Variants in CLASP1 observed in about 807,000 individuals in gnomAD.
CLASP1 encodes cytoplasmic linker associated protein 1.
A neutral mutation model predicts 192.3 loss-of-function variants in CLASP1; 38 were observed. The ratio of observed to expected loss-of-function variants is 0.20; its 90% confidence interval spans 0.15 to 0.26. CLASP1 has a LOEUF of 0.26. Among genes scored for constraint, CLASP1 ranks in the 10% least tolerant of loss-of-function variants. The pLI, the probability that CLASP1 is intolerant of heterozygous loss-of-function variation, is 1.00. For missense variants in CLASP1, 1,433 were observed against 1,932.5 expected (o/e 0.74, Z 4.85); for synonymous variants, 691 against 712.8 (o/e 0.97, Z 0.49).
rs192699682 is a variant in CLASP1 at position 121,460,478 on chromosome 2, G to A, written c.1033-353C>T. Among the ~76,000 whole-genome samples the A allele has an allele frequency of 1.1e-4, 16 of 152,014 alleles. 1 individual carries two copies. Among genetic ancestry groups the A allele is most frequent in the Admixed American group, 3.9e-4 (6 of 15,254 alleles). ...AATCCCCTCCTAAGCTTACCTCCCC[G>A]CGACACCCCACTTCAACTGCCATTT... On this transcript the variant is annotated intron_variant, in intron 11 of 39. Transcript: ENST00000263710.
At chr2:121,465,821 A>G (rs1366855024) in intron 9 of CLASP1, among the ~76,000 whole-genome samples, 1 of 152,222 alleles carries the variant, frequency 6.6e-6, no homozygotes, top group African/African-American at 2.4e-5. Flanking sequence ...ATCAAAACAG[A>G]GATATAGATC....
chr2:121,345,700 G>A (rs766885832), intron 39 of CLASP1, among the ~76,000 whole-genome samples: 1 of 152,128 alleles, frequency 6.6e-6, no homozygotes, highest in Non-Finnish European at 1.5e-5. Context: ...CCCAAACCAT[G>A]CACTGCACAC....
chr2:121,490,307 T>C, intron 8 of CLASP1: 1 of 454,788 alleles, frequency 2.2e-6, no homozygotes, highest in Non-Finnish European at 4.4e-6. Flanking sequence ...GTAATCCTGG[T>C]ACCAAATAAA....
chr2:121,441,245 G>C (rs186494767), intron 19 of CLASP1, among the ~76,000 whole-genome samples: 6 of 152,254 alleles, frequency 3.9e-5, no homozygotes, highest in Middle Eastern at 3.4e-3. Flanking sequence ...AAAATTAAAA[G>C]GTCTTCAAAG....
rs1474418723 is a variant in CLASP1 at position 121,637,143 on chromosome 2, C to G, written c.-286+12229G>C. On this transcript the variant is annotated intron_variant, in intron 1 of 39. Coordinates refer to ENST00000263710, the Ensembl canonical transcript of CLASP1. ...CACAAACTATTTAAAAGTTAAATAA[C>G]AACACAAAGTTAAAAGAAAGGAGGG... Among the ~76,000 whole-genome samples the G allele has an allele frequency of 2.0e-5, 3 of 152,048 alleles. No individual in the cohort carries two copies. The East Asian group carries it at 5.8e-4, about 29-fold the overall frequency.
intron 7 of CLASP1, chr2:121,504,887 A>G (rs996779942): frequency 6.6e-6 from 1 of 152,228 alleles, no homozygotes; most frequent in Non-Finnish European, 1.5e-5. Flanking sequence ...ATAAAACTCC[A>G]ATTGCCACCT....
At chr2:121,587,648 T>C (rs977997182) in intron 2 of CLASP1, among the ~76,000 whole-genome samples, 1 of 151,296 alleles carries the variant, frequency 6.6e-6, no homozygotes, top group Non-Finnish European at 1.5e-5. Context: ...CTGGCCAACA[T>C]AGTGAAACCC....
intron 23 of CLASP1, among the ~76,000 whole-genome samples, chr2:121,412,446 T>C (rs72967363): frequency 0.04 from 6,039 of 152,126 alleles, 163 homozygotes; most frequent in East Asian, 0.14. Context: ...TATGCACACA[T>C]AGTTTTACAG....
At chr2:121,464,006 C>T (rs1007406226) in intron 9 of CLASP1, among the ~76,000 whole-genome samples, 2 of 118,766 alleles carry the variant, frequency 1.7e-5, no homozygotes, top group African/African-American at 6.5e-5. Context: ...TCCCCCCACC[C>T]CACAACAGTC....
chr2:121,378,134 T>C (rs1457035055), intron 33 of CLASP1, among the ~76,000 whole-genome samples: 1 of 152,066 alleles, frequency 6.6e-6, no homozygotes, highest in Admixed American at 6.6e-5. Flanking sequence ...AGGTATCCAA[T>C]CCAGAAAACA....
At chr2:121,442,023 T>A (rs1225035065) in intron 19 of CLASP1, among the ~76,000 whole-genome samples, 3 of 152,194 alleles carry the variant, frequency 2.0e-5, no homozygotes, top group African/African-American at 7.2e-5. Context: ...TGACTACATC[T>A]TAATAAACAT....
At chr2:121,408,626 TC>T (rs939414846) in intron 24 of CLASP1, among the ~76,000 whole-genome samples, 160 of 152,256 alleles carry the variant, frequency 1.1e-3, no homozygotes, top group Non-Finnish European at 1.9e-3. Context: ...ATTGATAGCA[TC>T]CCCCTTTTAA....
intron 37 of CLASP1, among the ~76,000 whole-genome samples, chr2:121,361,045 A>G (rs1001710684): frequency 5.9e-5 from 9 of 152,248 alleles, no homozygotes; most frequent in Admixed American, 1.3e-4. Flanking sequence ...TTAGGACTCA[A>G]CTTTAGACAG....
chr2:121,505,434 A>G (rs543046998), intron 7 of CLASP1: 1 of 152,344 alleles, frequency 6.6e-6, no homozygotes, highest in South Asian at 2.1e-4. Flanking sequence ...CTGCCTCACT[A>G]GCTCCCTCAT....
intron 8 of CLASP1, among the ~76,000 whole-genome samples, chr2:121,489,056 C>A (rs2093153389): frequency 6.6e-6 from 1 of 152,156 alleles, no homozygotes; most frequent in Non-Finnish European, 1.5e-5. Flanking sequence ...AATATCACAA[C>A]TTAAGTCAAA....
intron 8 of CLASP1, among the ~76,000 whole-genome samples, chr2:121,478,453 G>A (rs779799759): frequency 4.4e-4 from 67 of 151,920 alleles, no homozygotes; most frequent in Admixed American, 7.9e-4. Flanking sequence ...ATACAAAAAT[G>A]AGCCCAGCGT....
chr2:121,588,919 C>G (rs1043830975), intron 2 of CLASP1, among the ~76,000 whole-genome samples: 1 of 152,172 alleles, frequency 6.6e-6, no homozygotes, highest in Non-Finnish European at 1.5e-5. Flanking sequence ...GTCTCCCCGG[C>G]TACAATGCAT....
In CLASP1 at chr2:121,381,305, T is replaced by C. The variant is rs190720381; in HGVS notation, c.3491+903A>G. 2.0e-3 allele frequency among the ~76,000 whole-genome samples: 267 copies of C among 132,136 alleles called. 1 individual carries two copies. In the South Asian group the frequency reaches 0.022, roughly 11 times the overall value. The allele number at this position is 132,136 out of a possible 152,430, so 86.7% of individuals were successfully genotyped here. A position where few individuals can be genotyped will look rare whatever the true frequency, so the allele number is the denominator to read the frequency against. Reference sequence around the variant, plus strand: ...TGAAGTATTTCAAAAGTAACAGGTCTTTTTTTTTTTTAACCCTTTTCCTAT... The same window carrying C: ...TGAAGTATTTCAAAAGTAACAGGTCCTTTTTTTTTTTAACCCTTTTCCTAT... On this transcript the variant is annotated intron_variant, in intron 33 of 39. Transcript: ENST00000263710.
At chr2:121,534,858 T>C (rs1032147072) in intron 2 of CLASP1, among the ~76,000 whole-genome samples, 25 of 152,068 alleles carry the variant, frequency 1.6e-4, no homozygotes, top group Non-Finnish European at 3.4e-4. Flanking sequence ...AAAGAGAACA[T>C]CTGAAACACA....
Sources: gnomAD v4.1 joint callset for allele counts (sites outside exome capture counted in the v4.1 genomes callset) on GRCh38, gnomAD v4.1.1 for gene constraint, MANE v1.5 for transcripts, NCBI Gene and HGNC (gene_info 2026-07-23, HGNC 2026-07-21) for gene names.